PPP1R17: variants seen among roughly 807,000 people sequenced by gnomAD.
The protein encoded by PPP1R17 is G-substrate.
Under a neutral mutation model 15.9 loss-of-function variants are expected in PPP1R17, and 12 were observed. The observed-to-expected ratio is 0.75, with a 90% CI of 0.48 to 1.22. The LOEUF (loss-of-function observed/expected upper bound fraction) is 1.22. PPP1R17 is among the 50% of genes most tolerant of loss of function. The pLI is 0.00. For synonymous variants in PPP1R17, 63 were observed against 64.5 expected (o/e 0.98, Z 0.11); for missense variants, 211 against 187.3 (o/e 1.13, Z -0.74).
At chr7:31,704,389 G>A (rs950220923) in intron 4 of PPP1R17, among the ~76,000 whole-genome samples, 1 of 152,134 alleles carries the variant, frequency 6.6e-6, no homozygotes, top group Non-Finnish European at 1.5e-5. Context: ...ATTGGCCCTT[G>A]GAGACTTTGG....
chr7:31,697,276 G>T (rs920020038), intron 4 of PPP1R17, among the ~76,000 whole-genome samples, 159 bp downstream of exon 4: 2 of 152,178 alleles, frequency 1.3e-5, no homozygotes, highest in Admixed American at 6.5e-5. Context: ...TACCTTTTAG[G>T]TTTATCTCTA....
intron 4 of PPP1R17, among the ~76,000 whole-genome samples, chr7:31,703,307 G>T (rs1792929975): frequency 6.6e-6 from 1 of 152,158 alleles, no homozygotes; most frequent in Non-Finnish European, 1.5e-5. Context: ...CTGATTCAAG[G>T]AACAGCCTAA....
intron 4 of PPP1R17, among the ~76,000 whole-genome samples, chr7:31,703,598 G>A (rs554916556): frequency 7.2e-5 from 11 of 152,276 alleles, no homozygotes; most frequent in East Asian, 3.9e-4. Flanking sequence ...TTTTTGAAGC[G>A]CCTTTTAGTA....
chr7:31,692,138 T>C (rs1188745536), intron 1 of PPP1R17, among the ~76,000 whole-genome samples: 1 of 152,202 alleles, frequency 6.6e-6, no homozygotes. Context: ...ACTCTCAATG[T>C]GTCTCTGAGA....
At chr7:31,705,526 A>G (rs77577629) in intron 4 of PPP1R17, among the ~76,000 whole-genome samples, 5,273 of 152,312 alleles carry the variant, frequency 0.035, 128 homozygotes, top group Non-Finnish European at 0.054. Context: ...CAGACTCTTG[A>G]AATTGTTTTT....
chr7:31,698,988 C>T (rs769070815), intron 4 of PPP1R17, among the ~76,000 whole-genome samples: 2 of 152,156 alleles, frequency 1.3e-5, no homozygotes, highest in African/African-American at 2.4e-5. Flanking sequence ...GTGCCAGGCA[C>T]AGCTCAAGTG....
intron 2 of PPP1R17, 93 bp downstream of exon 2, chr7:31,692,616 C>A: frequency 1.4e-5 from 16 of 1,148,698 alleles, no homozygotes; most frequent in Non-Finnish European, 2.1e-5. Flanking sequence ...AGAGAGGGCA[C>A]CCCCCGAAAC....
chr7:31,695,640 T>C lies in PPP1R17; in HGVS notation c.235+19T>C. On this transcript the variant is annotated intron_variant, in intron 3 of 4. Coordinates refer to ENST00000342032, the MANE Select transcript of PPP1R17 (RefSeq NM_006658.5). The stretch of plus-strand genomic sequence containing the variant: ...ATACCAGGTAATGGACAAAGTCATC[T>C]GCACAGCTGTAAAGGAGAGCCACTT... 1 of 1,604,978 alleles carries C rather than the reference T, an allele frequency of 6.2e-7. No individual in the cohort carries two copies. The highest frequency in any genetic ancestry group is 8.5e-7 in the Non-Finnish European group (1 of 1,177,154).
intron 4 of PPP1R17, among the ~76,000 whole-genome samples, chr7:31,700,903 CA>C (rs1031265718): frequency 3.3e-5 from 5 of 151,852 alleles, no homozygotes; most frequent in Non-Finnish European, 5.9e-5. Context: ...CCTACTGCTC[CA>C]AAAAAAGACC....
At chr7:31,703,347 T>G (rs1583854994) in intron 4 of PPP1R17, among the ~76,000 whole-genome samples, 1 of 152,206 alleles carries the variant, frequency 6.6e-6, no homozygotes, top group East Asian at 1.9e-4. Flanking sequence ...CTGGCATGAG[T>G]GCTGCCTACA....
In PPP1R17 at chr7:31,697,105, C is replaced by A. The variant is rs766101588; in HGVS notation, c.376C>A (p.Pro126Thr). Residue 126 changes from proline to threonine, a missense_variant, in exon 4 of 5, where the codon CCC (proline) becomes ACC (threonine). Pro to Thr is a conservative substitution (Grantham distance 38). Coordinates refer to ENST00000342032, the MANE Select transcript of PPP1R17 (RefSeq NM_006658.5). ...AGACACACCTGCCCTGCACATGTCCCCCTTTGCAGCAGGTAAAAAAGCTGG... is the reference window on the plus strand; with the variant it reads ...AGACACACCTGCCCTGCACATGTCCACCTTTGCAGCAGGTAAAAAAGCTGG... ...RKDTPALHMS[P>T]FAAGVTLLRD... 32 of 1,613,770 alleles carry A rather than the reference C, an allele frequency of 2.0e-5. No individual in the cohort carries two copies. The highest frequency in any genetic ancestry group is 2.5e-5 in the Non-Finnish European group (29 of 1,179,908).
At position 31,700,268 on chromosome 7, in the gene PPP1R17, A is replaced by T. The variant is rs1231268501; in HGVS notation, c.388+3151A>T. Among the ~76,000 whole-genome samples the T allele has an allele frequency of 2.0e-5, 3 of 152,214 alleles. No homozygotes were observed. The East Asian group carries it at 5.8e-4, about 29-fold the overall frequency. On this transcript the variant is annotated intron_variant, in intron 4 of 4. Coordinates refer to ENST00000342032, the MANE Select transcript of PPP1R17 (RefSeq NM_006658.5). ...AACACAGGAATGATATGGAAGTGAA[A>T]CATCCTTATTGTTGATACGGGGAAA... is the stretch of plus-strand genomic sequence containing the variant.
chr7:31,692,578 T>C (rs1792404446), intron 2 of PPP1R17, 55 bp downstream of exon 2: 1 of 1,513,972 alleles, frequency 6.6e-7, no homozygotes, highest in Admixed American at 1.7e-5. Context: ...AAGAGGCGTC[T>C]CAGCCATTTG....
In PPP1R17 at chr7:31,708,035, T is replaced by C. The variant is rs1049045033; in HGVS notation, c.*752T>C. ...GTCACAAGTGAGTCATTATCAATGGTAGATAAAATATCAATGTTTGTGATG... is the reference window on the plus strand; with the variant it reads ...GTCACAAGTGAGTCATTATCAATGGCAGATAAAATATCAATGTTTGTGATG... On this transcript the variant is annotated 3_prime_UTR_variant, in exon 5 of 5. Transcript: ENST00000342032. 1 of 152,268 alleles carries C rather than the reference T, an allele frequency of 6.6e-6. No homozygotes were observed. Among genetic ancestry groups the C allele is most frequent in the South Asian group, 2.1e-4 (1 of 4,832 alleles). 9.4% of individuals were successfully genotyped at this position (152,268 alleles called of 1,614,324 possible).
rs1583830725 is a variant in PPP1R17, at chr7:31,693,566, T to A, written c.82+1043T>A. Among the ~76,000 whole-genome samples, 3 of 152,180 alleles carry A rather than the reference T, an allele frequency of 2.0e-5. No individual in the cohort carries two copies. The South Asian group carries it at 6.2e-4, about 32-fold the overall frequency. ...CTCATCTTCAACATGGAGAAAAGAGTATAACACCGTTGTAGACTTAGCATG... is the reference window on the plus strand; with the variant it reads ...CTCATCTTCAACATGGAGAAAAGAGAATAACACCGTTGTAGACTTAGCATG... On this transcript the variant is annotated intron_variant, in intron 2 of 4. Coordinates refer to ENST00000342032, the MANE Select transcript of PPP1R17 (RefSeq NM_006658.5).
intron 4 of PPP1R17, among the ~76,000 whole-genome samples, chr7:31,699,372 G>A (rs886745600): frequency 5.3e-5 from 8 of 152,292 alleles, no homozygotes; most frequent in South Asian, 4.1e-4. Context: ...ACGGTCTCCC[G>A]TGAAAGGGCC....
chr7:31,693,426 T>C (rs917031643), intron 2 of PPP1R17, among the ~76,000 whole-genome samples: 2 of 152,178 alleles, frequency 1.3e-5, no homozygotes, highest in African/African-American at 4.8e-5. Flanking sequence ...TAAAATTGTG[T>C]TTGCAGCCAG....
chr7:31,702,116 T>C (rs980951418), intron 4 of PPP1R17, among the ~76,000 whole-genome samples: 16 of 152,202 alleles, frequency 1.1e-4, no homozygotes, highest in African/African-American at 3.6e-4. Context: ...ATTAGTCTTA[T>C]TAGTTTAGTC....
At chr7:31,700,641 A>C (rs898950179) in intron 4 of PPP1R17, among the ~76,000 whole-genome samples, 1 of 152,190 alleles carries the variant, frequency 6.6e-6, no homozygotes, top group African/African-American at 2.4e-5. Context: ...TAGGCCATTC[A>C]TAGCTGGAAA....
Sources: allele counts gnomAD v4.1 joint callset (sites outside exome capture counted in the v4.1 genomes callset), GRCh38; gene constraint gnomAD v4.1.1; transcripts MANE v1.5; gene names NCBI Gene and HGNC (gene_info 2026-07-23, HGNC 2026-07-21).